ADPRHL1: variants seen among roughly 807,000 people sequenced by gnomAD.
ADPRHL1 encodes inactive ADP-ribosyltransferase ARH2.
A neutral mutation model predicts 44.1 loss-of-function variants in ADPRHL1; 43 were observed. The ratio of observed to expected loss-of-function variants is 0.98; its 90% confidence interval spans 0.76 to 1.26. ADPRHL1 has a LOEUF of 1.26. ADPRHL1 is among the 50% of genes most tolerant of loss of function. ADPRHL1 has a pLI of 0.00. For missense variants in ADPRHL1, 2,022 were observed against 2,496.9 expected (o/e 0.81, Z 4.05); for synonymous variants, 878 against 1,017.4 (o/e 0.86, Z 2.61).
chr13:113,437,658 A>G (rs2044070991), intron 2 of ADPRHL1, among the ~76,000 whole-genome samples: 1 of 152,162 alleles, frequency 6.6e-6, no homozygotes, highest in African/African-American at 2.4e-5. Flanking sequence ...TTATGGCTGA[A>G]TAGCTCCCTC....
At chr13:113,432,362 G>C (rs2044013273) in intron 3 of ADPRHL1, among the ~76,000 whole-genome samples, 1 of 152,108 alleles carries the variant, frequency 6.6e-6, no homozygotes, top group Non-Finnish European at 1.5e-5. Flanking sequence ...TGATCCTCCT[G>C]CCTCTGCCTC....
rs2043791989 is a variant in ADPRHL1, at chr13:113,404,510, T to C, written c.4772A>G (p.Gln1591Arg). The change falls in exon 8 of 8, where the codon CAG becomes CGG. Residue 1591 changes from glutamine (Q) to arginine (R), a missense_variant. Coordinates refer to ENST00000612156, the MANE Select transcript of ADPRHL1 (RefSeq NM_001394807.1). ...CTGTTTCTGGGCCTGTCCCTGAATC[T>C]GCCCCTGAGCCCATTTCTGGGCCTG... ...QGQAQKWAQGQIQGQAQKQVQ... is the reference protein window; with the variant it reads ...QGQAQKWAQGRIQGQAQKQVQ... 1 of 1,301,532 alleles carries C rather than the reference T, an allele frequency of 7.7e-7. No homozygotes were observed. The highest frequency in any genetic ancestry group is 3.1e-5 in the East Asian group (1 of 32,216). The allele number at this position is 1,301,532 out of a possible 1,614,324, so 80.6% of individuals were successfully genotyped here. A position where few individuals can be genotyped will look rare whatever the true frequency, so the allele number is the denominator to read the frequency against.
intron 4 of ADPRHL1, among the ~76,000 whole-genome samples, chr13:113,425,576 TAGTC>T: frequency 6.6e-6 from 1 of 152,160 alleles, no homozygotes; most frequent in South Asian, 2.1e-4. Flanking sequence ...TTCACCATGT[TAGTC>T]AGGCTGATCT....
intron 7 of ADPRHL1, among the ~76,000 whole-genome samples, chr13:113,417,735 C>A (rs1038323514): frequency 6.6e-6 from 1 of 152,250 alleles, no homozygotes; most frequent in South Asian, 2.1e-4. Context: ...ACTGGAAATG[C>A]GTTTACACAC....
At position 113,422,858 on chromosome 13, in the gene ADPRHL1, G is replaced by A. The variant is rs749197775; in HGVS notation, c.1029C>T (p.Gly343=). 3.7e-6 allele frequency: 6 copies of A among 1,612,868 alleles called. No homozygotes were observed. The highest frequency in any genetic ancestry group is 5.1e-6 in the Non-Finnish European group (6 of 1,179,970). The part of the protein sequence containing the change: ...LEDKEKLEDL[G]AALYRLSTEE... ...CTGTGGACAGGCGGTAGAGAGCCGCGCCCAGGTCCTCCAGCTTCTCCTTGT... is the reference window on the plus strand; with the variant it reads ...CTGTGGACAGGCGGTAGAGAGCCGCACCCAGGTCCTCCAGCTTCTCCTTGT... Residue 343 remains glycine, a synonymous_variant, in exon 7 of 8, where the codon GGC becomes GGT. Coordinates refer to ENST00000612156, the MANE Select transcript of ADPRHL1 (RefSeq NM_001394807.1).
chr13:113,411,862 C>T (rs1037658528), intron 7 of ADPRHL1, among the ~76,000 whole-genome samples: 5 of 152,232 alleles, frequency 3.3e-5, no homozygotes, highest in African/African-American at 1.2e-4. Flanking sequence ...CAAGTTCCTC[C>T]CTGGGTCTGG....
chr13:113,437,941 C>T (rs1433904149), intron 2 of ADPRHL1, among the ~76,000 whole-genome samples: 4 of 152,234 alleles, frequency 2.6e-5, no homozygotes, highest in African/African-American at 7.2e-5. Flanking sequence ...AGCAGTTCTC[C>T]TGCCTCAGCC....
intron 7 of ADPRHL1, among the ~76,000 whole-genome samples, chr13:113,416,280 T>C (rs1426145902): frequency 6.6e-6 from 1 of 152,068 alleles, no homozygotes; most frequent in Non-Finnish European, 1.5e-5. Flanking sequence ...TGGGCTAGGA[T>C]ACCCCAAGGC....
rs1180434137 is a variant in ADPRHL1 at position 113,400,598 on chromosome 13, T to G, written c.*2780A>C. On this transcript the variant is annotated 3_prime_UTR_variant, in exon 8 of 8. Transcript: ENST00000612156. Reference sequence around the variant, plus strand: ...CTTAGCCATGTGGCCGTGATGGTCGTATCTGAAGTGTGAATACTTCCCCGC... The same window carrying G: ...CTTAGCCATGTGGCCGTGATGGTCGGATCTGAAGTGTGAATACTTCCCCGC... The G allele has an allele frequency of 1.3e-5, 2 of 152,234 alleles. No homozygotes were observed. The highest frequency in any genetic ancestry group is 2.9e-5 in the Non-Finnish European group (2 of 68,058). 9.4% of individuals were successfully genotyped at this position (152,234 alleles called of 1,614,324 possible). A position where few individuals can be genotyped will look rare whatever the true frequency, so the allele number is the denominator to read the frequency against.
At chr13:113,410,714 A>G (rs1020933758) in intron 7 of ADPRHL1, among the ~76,000 whole-genome samples, 6 of 75,764 alleles carry the variant, frequency 7.9e-5, no homozygotes, top group East Asian at 4.0e-4. Flanking sequence ...CCCTGAACCC[A>G]GAGTCGACAG....
chr13:113,429,834 C>G (rs1199203119), intron 3 of ADPRHL1, among the ~76,000 whole-genome samples: 1 of 152,260 alleles, frequency 6.6e-6, no homozygotes, highest in Non-Finnish European at 1.5e-5. Context: ...CCAGCAAGCT[C>G]ATCAGCACAG....
rs1272311309 is a variant in ADPRHL1, at chr13:113,414,462, C to G, written c.1062-6242G>C. Among the ~76,000 whole-genome samples, 4 of 150,080 alleles carry G rather than the reference C, an allele frequency of 2.7e-5. No homozygotes were observed. The East Asian group carries it at 8.0e-4, about 30-fold the overall frequency. On this transcript the variant is annotated intron_variant, in intron 7 of 7. Coordinates refer to ENST00000612156, the MANE Select transcript of ADPRHL1 (RefSeq NM_001394807.1). Reference sequence around the variant, plus strand: ...GCCTCCCTGCCCTCTGCGGCTCAGCCCCCGGCTTCCCTCCCCTCTACAGCT... The same window carrying G: ...GCCTCCCTGCCCTCTGCGGCTCAGCGCCCGGCTTCCCTCCCCTCTACAGCT...
chr13:113,429,164 G>A (rs1343665289), intron 3 of ADPRHL1, 72 bp from the exon 4 acceptor site: 3 of 1,547,188 alleles, frequency 1.9e-6, no homozygotes, highest in East Asian at 2.4e-5. Flanking sequence ...CGCCCGCCAC[G>A]CTGCGTGGGA....
chr13:113,446,681 A>G (rs2044140844), intron 1 of ADPRHL1, among the ~76,000 whole-genome samples: 1 of 151,720 alleles, frequency 6.6e-6, no homozygotes, highest in Non-Finnish European at 1.5e-5. Flanking sequence ...GTCTACACAC[A>G]TGGTATTGTC....
At chr13:113,435,116 T>G in intron 2 of ADPRHL1, among the ~76,000 whole-genome samples, 1 of 126,914 alleles carries the variant, frequency 7.9e-6, no homozygotes, top group Non-Finnish European at 1.7e-5. Context: ...AGGTGTAGAG[T>G]GAACATAGGT....
chr13:113,404,719 C>T lies in ADPRHL1; in HGVS notation c.4563G>A (p.Gln1521=). The change falls in exon 8 of 8, where the codon CAG becomes CAA. Residue 1521 remains glutamine (Q), a synonymous_variant. Transcript: ENST00000612156. Reference sequence around the variant, plus strand: ...CCTGGGTCCCACCCTGAGCCTGTTCCTGTGCCTGCCCCTGGGCCTCTATCT... The same window carrying T: ...CCTGGGTCCCACCCTGAGCCTGTTCTTGTGCCTGCCCCTGGGCCTCTATCT... ...QTQIEAQGQA[Q]EQAQGGTQGH... 7.8e-7 allele frequency: 1 copy of T among 1,280,890 alleles called. No homozygotes were observed. The highest frequency in any genetic ancestry group is 9.8e-7 in the Non-Finnish European group (1 of 1,019,734). 79.3% of individuals were successfully genotyped at this position (1,280,890 alleles called of 1,614,324 possible). A position where few individuals can be genotyped will look rare whatever the true frequency, so the allele number is the denominator to read the frequency against.
At chr13:113,424,767 TCCA>T (rs1337183794) in intron 5 of ADPRHL1, among the ~76,000 whole-genome samples, 1 of 1,648 alleles carries the variant, frequency 6.1e-4, no homozygotes, top group African/African-American at 2.7e-3. Context: ...TGCCCTTCCA[TCCA>T]CCTACCCAAC....
At position 113,404,997 on chromosome 13, in the gene ADPRHL1, C is replaced by T; in HGVS notation, c.4285G>A (p.Ala1429Thr). Residue 1429 changes from alanine (A) to threonine (T), a missense_variant, in exon 8 of 8, where the codon GCC becomes ACC. By Grantham distance (58) the Ala-to-Thr change is moderately conservative (BLOSUM62 0). Transcript: ENST00000612156. ...AQDLAGDKGMAIGVGGACQRS... is the reference protein window; with the variant it reads ...AQDLAGDKGMTIGVGGACQRS... ...TGGCAGGCGCCCCCAACCCCAATGG[C>T]CATCCCTTTGTCCCCGGCCAGATCC... 8.1e-7 allele frequency: 1 copy of T among 1,234,474 alleles called. No homozygotes were observed. Among genetic ancestry groups the T allele is most frequent in the South Asian group, 4.0e-5 (1 of 24,726 alleles). The allele number at this position is 1,234,474 out of a possible 1,614,324, so 76.5% of individuals were successfully genotyped here.
intron 6 of ADPRHL1, 44 bp from the exon 7 acceptor site, chr13:113,423,023 G>A (rs750281798): frequency 2.5e-6 from 4 of 1,610,550 alleles, no homozygotes; most frequent in Non-Finnish European, 2.5e-6. Flanking sequence ...CACCTGACCA[G>A]GGCCTCTGCA....
Sources: gnomAD v4.1 joint callset for allele counts (sites outside exome capture counted in the v4.1 genomes callset) on GRCh38, gnomAD v4.1.1 for gene constraint, MANE v1.5 for transcripts, NCBI Gene and HGNC (gene_info 2026-07-23, HGNC 2026-07-21) for gene names.